DPY19L2: variants seen among roughly 807,000 people sequenced by gnomAD.
DPY19L2 encodes probable C-mannosyltransferase DPY19L2.
A neutral mutation model predicts 97.9 loss-of-function variants in DPY19L2; 34 were observed. That is an observed-to-expected ratio of 0.35 (90% CI 0.26 to 0.46). The LOEUF (loss-of-function observed/expected upper bound fraction) is 0.46, where lower values mean the gene tolerates loss of function less well. Ranked by LOEUF, DPY19L2 falls within the 20% of genes least tolerant of loss-of-function variation. DPY19L2 has a pLI of 1.00. For synonymous variants in DPY19L2, 230 were observed against 307.9 expected (o/e 0.75, Z 2.65); for missense variants, 623 against 911.4 (o/e 0.68, Z 4.07).
chr12:63,635,386 A>C (rs1193141294), intron 6 of DPY19L2, among the ~76,000 whole-genome samples: 1 of 152,188 alleles, frequency 6.6e-6, no homozygotes, highest in Admixed American at 6.5e-5. Flanking sequence ...CTTCTCCTCC[A>C]AAGGAGCATA....
At chr12:63,586,569 C>T (rs1881832522) in intron 16 of DPY19L2, among the ~76,000 whole-genome samples, 2 of 152,182 alleles carry the variant, frequency 1.3e-5, no homozygotes, top group South Asian at 4.1e-4. Flanking sequence ...CTCCACTACT[C>T]ACTAGCTGTG....
intron 16 of DPY19L2, among the ~76,000 whole-genome samples, chr12:63,593,032 T>C (rs1488194353): frequency 1.3e-5 from 2 of 150,962 alleles, no homozygotes; most frequent in African/African-American, 2.4e-5. Flanking sequence ...AAAAAACACA[T>C]GAAAAAATGC....
Position 63,639,840 on chromosome 12 carries a change from C to G in DPY19L2, c.803+4563G>C, listed in dbSNP as rs1592694390. Among the ~76,000 whole-genome samples, 4 of 152,254 alleles carry G rather than the reference C, an allele frequency of 2.6e-5. No individual in the cohort carries two copies. The East Asian group carries it at 7.7e-4, about 29-fold the overall frequency. ...TAGAAATACCATTTGACCCAGCCAT[C>G]CCATTACTGGGTATATACCCAAAGG... On this transcript the variant is annotated intron_variant, in intron 6 of 21. Transcript: ENST00000324472.
upstream of DPY19L2, chr12:63,668,673 G>A: frequency 6.7e-6 from 3 of 450,232 alleles, no homozygotes; most frequent in South Asian, 5.1e-5. Flanking sequence ...GGTGAGGGCA[G>A]CCCCACGCAC....
intron 19 of DPY19L2, among the ~76,000 whole-genome samples, chr12:63,575,534 A>G (rs1289508243): frequency 6.6e-6 from 1 of 151,882 alleles, no homozygotes; most frequent in Non-Finnish European, 1.5e-5. Context: ...CTGAAAAGAT[A>G]AAATTAACAA....
chr12:63,582,584 A>G, intron 17 of DPY19L2, 59 bp from the exon 18 acceptor site: 1 of 1,512,478 alleles, frequency 6.6e-7, no homozygotes, highest in Non-Finnish European at 9.0e-7. Context: ...TAAATTAATG[A>G]AGTATATTAA....
At chr12:63,610,865 A>AAAAAAAAAAAC (rs1565762271) in intron 11 of DPY19L2, among the ~76,000 whole-genome samples, 5 of 104,212 alleles carry the variant, frequency 4.8e-5, no homozygotes, top group African/African-American at 1.3e-4. Context: ...AAAAAAAAAA[A>AAAAAAAAAAAC]AAAAAAAAAA....
Position 63,663,811 on chromosome 12 carries a change from G to A in DPY19L2, c.397C>T (p.His133Tyr), listed in dbSNP as rs1367640593. The change falls in exon 3 of 22, where the codon CAT becomes TAT. Residue 133 changes from histidine to tyrosine, a missense_variant. This residue lies in a region of DPY19L2 where 84 missense variants were observed against 125.4 expected (regional missense o/e 0.67). Transcript: ENST00000324472. ...HLVTLFENDR[H>Y]FSHLSSLERE... is the part of the protein sequence containing the mutation. ...TCCAAAGATGAGAGGTGAGAGAAAT[G>A]ACGATCATTTTCAAAAAGTGTTACT... 6.2e-7 allele frequency: 1 copy of A among 1,605,724 alleles called. No homozygotes were observed. The highest frequency in any genetic ancestry group is 8.5e-7 in the Non-Finnish European group (1 of 1,177,634).
chr12:63,631,003 T>C (rs1346751867), intron 6 of DPY19L2, among the ~76,000 whole-genome samples: 5 of 152,102 alleles, frequency 3.3e-5, no homozygotes, highest in Non-Finnish European at 5.9e-5. Flanking sequence ...GGAATAAAGA[T>C]GTTCTTTGAA....
In DPY19L2 at chr12:63,634,975, A is replaced by G. The variant is rs557863981; in HGVS notation, c.804-8449T>C. On this transcript the variant is annotated intron_variant, in intron 6 of 21. Coordinates refer to ENST00000324472, the MANE Select transcript of DPY19L2 (RefSeq NM_173812.5). ...CAGCTGGAGATCTAACAACAGACAG[A>G]CTGCCTGCTCAAGTGGGTCCCTGAC... is the stretch of plus-strand genomic sequence containing the variant. Among the ~76,000 whole-genome samples the G allele has an allele frequency of 6.0e-4, 91 of 152,084 alleles. 1 individual carries two copies. Among genetic ancestry groups the G allele is most frequent in the East Asian group, 4.3e-3 (22 of 5,164 alleles).
At chr12:63,562,453 TG>T (rs1876754518) in intron 21 of DPY19L2, among the ~76,000 whole-genome samples, 1 of 152,198 alleles carries the variant, frequency 6.6e-6, no homozygotes, top group Admixed American at 6.5e-5. Context: ...GTTTCCAGTT[TG>T]GGGCTAATAC....
chr12:63,637,474 TAAA>T (rs1347048846), intron 6 of DPY19L2, among the ~76,000 whole-genome samples: 3 of 151,314 alleles, frequency 2.0e-5, no homozygotes, highest in Admixed American at 1.3e-4. Context: ...GCAAGACTAA[TAAA>T]GAAGAAAAGA....
intron 12 of DPY19L2, among the ~76,000 whole-genome samples, chr12:63,606,113 AT>A (rs779637053): frequency 2.0e-4 from 31 of 152,190 alleles, no homozygotes; most frequent in Non-Finnish European, 3.5e-4. Flanking sequence ...AATCCAATTG[AT>A]TTTTTAATAT....
intron 6 of DPY19L2, among the ~76,000 whole-genome samples, chr12:63,641,665 C>T (rs1892721124): frequency 6.6e-6 from 1 of 151,966 alleles, no homozygotes; most frequent in East Asian, 1.9e-4. Context: ...TTATTGTATA[C>T]TGGTCCACCA....
At chr12:63,594,464 A>AGAGAGTGTGTGTGT (rs1555189197) in intron 15 of DPY19L2, among the ~76,000 whole-genome samples, 1 of 124,932 alleles carries the variant, frequency 8.0e-6, no homozygotes, top group African/African-American at 3.6e-5. Flanking sequence ...AGAGAGAGAT[A>AGAGAGTGTGTGTGT]GTGTGTGTGT....
At chr12:63,585,207 T>C (rs1881583389) in intron 16 of DPY19L2, among the ~76,000 whole-genome samples, 2 of 152,124 alleles carry the variant, frequency 1.3e-5, no homozygotes, top group Non-Finnish European at 2.9e-5. Flanking sequence ...CCTATTTTAT[T>C]GTTCTCTTGA....
At chr12:63,634,667 T>C (rs1202739080) in intron 6 of DPY19L2, among the ~76,000 whole-genome samples, 2 of 152,118 alleles carry the variant, frequency 1.3e-5, no homozygotes, top group Non-Finnish European at 2.9e-5. Flanking sequence ...CCCATGCCCA[T>C]GGAGCCTCAC....
chr12:63,572,743 G>A (rs1879115054), intron 19 of DPY19L2, among the ~76,000 whole-genome samples: 1 of 152,072 alleles, frequency 6.6e-6, no homozygotes, highest in Non-Finnish European at 1.5e-5. Flanking sequence ...AAGAGAGAGA[G>A]AGAGACTCCA....
chr12:63,640,530 G>A (rs564120413), intron 6 of DPY19L2, among the ~76,000 whole-genome samples: 16 of 152,250 alleles, frequency 1.1e-4, no homozygotes, highest in Non-Finnish European at 1.6e-4. Context: ...TTCCCAGTTA[G>A]TGTCAGTGGG....
Sources: gnomAD v4.1 joint callset for allele counts (sites outside exome capture counted in the v4.1 genomes callset) on GRCh38, gnomAD v4.1.1 for gene constraint, gnomAD v4.1.1 regional missense constraint, MANE v1.5 for transcripts, NCBI Gene and HGNC (gene_info 2026-07-23, HGNC 2026-07-21) for gene names.